EPS8L2: variants seen among roughly 807,000 people sequenced by gnomAD.
EPS8L2 encodes the protein EPS8 signaling adaptor L2, also known as epidermal growth factor receptor kinase substrate 8-like protein 2.
Under a neutral mutation model 99.4 loss-of-function variants are expected in EPS8L2, and 81 were observed. The ratio of observed to expected loss-of-function variants is 0.82; its 90% CI spans 0.68 to 0.98. The LOEUF is 0.98. Among genes scored for constraint, EPS8L2 ranks in the 50% least tolerant of loss-of-function variants. The probability of loss-of-function intolerance (pLI) is 0.00; values close to 1 mark genes in which losing one functional copy is unlikely to be tolerated. For synonymous variants in EPS8L2, 509 were observed against 407.3 expected, an observed-to-expected ratio of 1.25 and a Z score of -3.01; for missense variants, 1,155 against 968.8, an observed-to-expected ratio of 1.19 and a Z score of -2.55.
Position 727,041 on chromosome 11 carries a change from T to G in EPS8L2, c.*60T>G, listed in dbSNP as rs1366393271. On this transcript the variant is annotated 3_prime_UTR_variant, in exon 21 of 21. Coordinates refer to ENST00000318562, the MANE Select transcript of EPS8L2 (RefSeq NM_022772.4). Reference sequence around the variant, plus strand: ...AAGCCCACCCACAATGCATGGAGTATTATTTTTATATGTGTATGTATTTTG... The same window carrying G: ...AAGCCCACCCACAATGCATGGAGTAGTATTTTTATATGTGTATGTATTTTG... 8 of 1,155,200 alleles carry G rather than the reference T, an allele frequency of 6.9e-6. No individual in the cohort carries two copies. The highest frequency in any genetic ancestry group is 9.0e-6 in the Non-Finnish European group (7 of 781,262). The allele number at this position is 1,155,200 out of a possible 1,614,324, so 71.6% of individuals were successfully genotyped here.
In EPS8L2 at chr11:727,006, T is replaced by C. The variant is rs1379442948; in HGVS notation, c.*25T>C. ...GGCCCAGCTGCCTTGGGCTGGGGCC[T>C]GCGGAGGGGAAGCCCACCCACAATG... is the stretch of plus-strand genomic sequence containing the variant. On this transcript the variant is annotated 3_prime_UTR_variant, in exon 21 of 21. Transcript: ENST00000318562. 2 of 1,545,516 alleles carry C rather than the reference T, an allele frequency of 1.3e-6. No homozygotes were observed. The highest frequency in any genetic ancestry group is 1.7e-5 in the Admixed American group (1 of 58,200).
intron 1 of EPS8L2, chr11:709,096 C>A (rs1271101213): frequency 1.9e-6 from 1 of 513,900 alleles, no homozygotes; most frequent in Admixed American, 3.4e-5. Context: ...TCCCAGTCAG[C>A]CTCTGGGGGG....
At chr11:720,253 G>A (rs1862120008) in intron 5 of EPS8L2, 30 bp downstream of exon 5, 2 of 1,610,182 alleles carry the variant, frequency 1.2e-6, no homozygotes, top group African/African-American at 1.3e-5. Flanking sequence ...GGGACAGGGA[G>A]CACAGTGGGT....
chr11:710,872 T>C (rs962905567), intron 4 of EPS8L2, among the ~76,000 whole-genome samples: 63 of 152,024 alleles, frequency 4.1e-4, no homozygotes, highest in Admixed American at 4.1e-3. Context: ...GCCCACACTG[T>C]CCCGGGCTCA....
At chr11:712,012 G>A (rs536632038) in intron 4 of EPS8L2, among the ~76,000 whole-genome samples, 6 of 150,756 alleles carry the variant, frequency 4.0e-5, no homozygotes, top group South Asian at 2.1e-4. Flanking sequence ...GGGACCAGGC[G>A]CGGTTGTTCA....
In EPS8L2 at chr11:726,956, A is replaced by T; in HGVS notation, c.2123A>T (p.Asn708Ile). The T allele has an allele frequency of 6.2e-7, 1 of 1,613,416 alleles. No individual in the cohort carries two copies. Among genetic ancestry groups the T allele is most frequent in the African/African-American group, 1.3e-5 (1 of 75,064 alleles). The part of the protein sequence containing the change: ...EELMNKFHSM[N>I]QRRGEDS The stretch of plus-strand genomic sequence containing the variant: ...CTCATGAACAAGTTTCATTCCATGA[A>T]TCAGAGGAGGGGGGAGGACAGCTAG... The change falls in exon 21 of 21, where the codon AAT (asparagine) becomes ATT (isoleucine). Residue 708 changes from asparagine to isoleucine, a missense_variant. Asn to Ile is a moderately radical substitution (Grantham distance 149, BLOSUM62 -3). Coordinates refer to ENST00000318562, the MANE Select transcript of EPS8L2 (RefSeq NM_022772.4).
intron 4 of EPS8L2, among the ~76,000 whole-genome samples, chr11:713,594 G>C (rs888042742): frequency 4.6e-5 from 7 of 152,188 alleles, no homozygotes; most frequent in Admixed American, 1.3e-4. Context: ...ACCTAGGCTG[G>C]AGTGCGGTGG....
chr11:720,452 C>T, intron 5 of EPS8L2, 145 bp from the exon 6 acceptor site: 1 of 1,341,988 alleles, frequency 7.5e-7, no homozygotes. Context: ...CGGGGTGTGT[C>T]CCGGGCCTAG....
chr11:707,340 C>T (rs762034876), intron 1 of EPS8L2, among the ~76,000 whole-genome samples: 2 of 152,172 alleles, frequency 1.3e-5, no homozygotes, highest in African/African-American at 2.4e-5. Context: ...TTCCAGGGCC[C>T]CACCCAGCGC....
At chr11:722,609 G>C in intron 13 of EPS8L2, 60 bp downstream of exon 13, 2 of 1,609,842 alleles carry the variant, frequency 1.2e-6, no homozygotes, top group East Asian at 2.2e-5. Flanking sequence ...ATGGGGGCCA[G>C]CAAGGGGGTC....
rs1369205491 is a variant in EPS8L2, at chr11:726,908, A to G, written c.2075A>G (p.Gln692Arg). The change falls in exon 21 of 21, where the codon CAA becomes CGA. Residue 692 changes from glutamine to arginine, a missense_variant. Gln to Arg is a conservative substitution (Grantham distance 43, BLOSUM62 1). Coordinates refer to ENST00000318562, the MANE Select transcript of EPS8L2 (RefSeq NM_022772.4). Reference protein sequence around the residue: ...TMQKAFLEKQQSGSELEELMN... With the variant: ...TMQKAFLEKQRSGSELEELMN... ...CCCATTTCTCCTCCCTAGAAGCAGC[A>G]AAGTGGGTCGGAGCTGGAAGAACTC... 1 of 1,613,040 alleles carries G rather than the reference A, an allele frequency of 6.2e-7. No homozygotes were observed. The highest frequency in any genetic ancestry group is 8.5e-7 in the Non-Finnish European group (1 of 1,179,806).
At position 720,763 on chromosome 11, in the gene EPS8L2, C is replaced by A; in HGVS notation, c.477+17C>A. ...GAGGTGGAGGTGAGGCGGTGCCGGGCGGGGCAGGGTGGGGCCCCGCCGCGC... is the reference window on the plus strand; with the variant it reads ...GAGGTGGAGGTGAGGCGGTGCCGGGAGGGGCAGGGTGGGGCCCCGCCGCGC... On this transcript the variant is annotated intron_variant, in intron 6 of 20. Transcript: ENST00000318562. 1 of 922,786 alleles carries A rather than the reference C, an allele frequency of 1.1e-6. No homozygotes were observed. Among genetic ancestry groups the A allele is most frequent in the Non-Finnish European group, 1.6e-6 (1 of 644,916 alleles). The allele number at this position is 922,786 out of a possible 1,614,324, so 57.2% of individuals were successfully genotyped here. A position where few individuals can be genotyped will look rare whatever the true frequency, so the allele number is the denominator to read the frequency against.
intron 9 of EPS8L2, 70 bp downstream of exon 9, chr11:721,422 T>G (rs1356159839): frequency 6.6e-7 from 1 of 1,508,556 alleles, no homozygotes; most frequent in Non-Finnish European, 8.9e-7. Context: ...GTCCTTGCTG[T>G]CCCTCCGGCC....
In EPS8L2 at chr11:722,583, G is replaced by GGGGGGCCAGCGCTGCAT. The variant is rs758167786; in HGVS notation, c.1208+45_1208+61dup. 3.7e-6 allele frequency: 6 copies of GGGGGGCCAGCGCTGCAT among 1,611,300 alleles called. No homozygotes were observed. In the African/African-American group the frequency reaches 6.7e-5, roughly 18 times the overall value. On this transcript the variant is annotated intron_variant, in intron 13 of 20. Coordinates refer to ENST00000318562, the MANE Select transcript of EPS8L2 (RefSeq NM_022772.4). Reference sequence around the variant, plus strand: ...GGGCAGAGCAGTGCCGGGGCTTCATGGGGGGCCAGCGCTGCATGGGGGCCA... The same window carrying GGGGGGCCAGCGCTGCAT: ...GGGCAGAGCAGTGCCGGGGCTTCATGGGGGGCCAGCGCTGCATGGGGGCCAGCGCTGCATGGGGGCCA...
At position 726,086 on chromosome 11, in the gene EPS8L2, C is replaced by A; in HGVS notation, c.1681-12C>A. ...GGGGCGTGGGGAGCCTAATCGCCCC[C>A]CGCCCCCGCAGGCCGGTCAGAAGTA... On this transcript the variant is annotated splice_polypyrimidine_tract_variant and intron_variant, in intron 17 of 20. Transcript: ENST00000318562. 6.5e-7 allele frequency: 1 copy of A among 1,548,108 alleles called. No individual in the cohort carries two copies. Among genetic ancestry groups the A allele is most frequent in the Non-Finnish European group, 8.8e-7 (1 of 1,133,314 alleles).
chr11:713,515 G>T (rs1220964373), intron 4 of EPS8L2, among the ~76,000 whole-genome samples: 5 of 152,164 alleles, frequency 3.3e-5, no homozygotes, highest in Non-Finnish European at 7.4e-5. Context: ...CTGAGTAGCT[G>T]GGACTACAGG....
chr11:720,600 G>A lies in EPS8L2; in HGVS notation c.331G>A (p.Glu111Lys). Residue 111 changes from glutamate to lysine, a missense_variant, in exon 6 of 21, where the codon GAG (glutamate) becomes AAG (lysine). Glu to Lys is a moderately conservative substitution (Grantham distance 56). Coordinates refer to ENST00000318562, the MANE Select transcript of EPS8L2 (RefSeq NM_022772.4). Reference sequence around the variant, plus strand: ...TGTCCGCGCGATGTACCCGCAGGAGGAGCTGGAAGACTTCCCGCTGCCCAC... The same window carrying A: ...TGTCCGCGCGATGTACCCGCAGGAGAAGCTGGAAGACTTCCCGCTGCCCAC... ...LRLLDIESQE[E>K]LEDFPLPTVQ... 1.3e-6 allele frequency: 2 copies of A among 1,599,672 alleles called. No individual in the cohort carries two copies. The highest frequency in any genetic ancestry group is 1.7e-6 in the Non-Finnish European group (2 of 1,174,910).
chr11:720,118 C>T lies in EPS8L2; in HGVS notation c.222C>T (p.Ala74=), dbSNP rs1862116448. The T allele has an allele frequency of 6.2e-7, 1 of 1,613,276 alleles. No homozygotes were observed. The highest frequency in any genetic ancestry group is 8.5e-7 in the Non-Finnish European group (1 of 1,179,976). ...KSEAITSVDD[A]IRKLVQLSSK... ...AAGCCATCACGTCTGTGGACGACGCCATCCGGAAGCTGGTGCAGCTGAGCT... is the reference window on the plus strand; with the variant it reads ...AAGCCATCACGTCTGTGGACGACGCTATCCGGAAGCTGGTGCAGCTGAGCT... Residue 74 remains alanine (A), a synonymous_variant, in exon 5 of 21, where the codon GCC becomes GCT. Coordinates refer to ENST00000318562, the MANE Select transcript of EPS8L2 (RefSeq NM_022772.4).
chr11:727,220 T>TG lies in EPS8L2; in HGVS notation c.*240dup. 6 of 444,880 alleles carry TG rather than the reference T, an allele frequency of 1.3e-5. No homozygotes were observed. The highest frequency in any genetic ancestry group is 2.8e-5 in the South Asian group (1 of 36,352). 27.6% of individuals were successfully genotyped at this position (444,880 alleles called of 1,614,324 possible). A position where few individuals can be genotyped will look rare whatever the true frequency, so the allele number is the denominator to read the frequency against. On this transcript the variant is annotated 3_prime_UTR_variant, in exon 21 of 21. Transcript: ENST00000318562. ...CTGCTGCTTGGTGGTGCCAGCCCCT[T>TG]GTCCACCTTCTCTTGAGGCCACAGA...
Sources: allele counts gnomAD v4.1 joint callset (sites outside exome capture counted in the v4.1 genomes callset), GRCh38; gene constraint gnomAD v4.1.1; transcripts MANE v1.5; gene names NCBI Gene and HGNC (gene_info 2026-07-23, HGNC 2026-07-21).